Variants in PRDM9 observed in about 807,000 individuals in gnomAD.
The protein encoded by PRDM9 is histone-lysine N-methyltransferase PRDM9.
Under a neutral mutation model 55.6 loss-of-function variants are expected in PRDM9, and 47 were observed. The ratio of observed to expected loss-of-function variants is 0.85; its 90% CI spans 0.67 to 1.08. The LOEUF is 1.08. Ranked by LOEUF, PRDM9 falls within the 50% of genes least tolerant of loss-of-function variation. PRDM9 has a pLI of 0.00. For synonymous variants in PRDM9, 312 were observed against 375.7 expected, an observed-to-expected ratio of 0.83 and a Z score of 1.96; for missense variants, 867 against 1,040.3, an observed-to-expected ratio of 0.83 and a Z score of 2.29.
In PRDM9 at chr5:23,526,822, G is replaced by C; in HGVS notation, c.1734G>C (p.Lys578Asn). 6.3e-7 allele frequency: 1 copy of C among 1,590,052 alleles called. No individual in the cohort carries two copies. Residue 578 changes from lysine (K) to asparagine (N), a missense_variant, in exon 11 of 11, where the codon AAG becomes AAC. Physicochemically the swap from Lys to Asn is moderately conservative, Grantham distance 94 (BLOSUM62 0). This residue lies in a region of PRDM9 where 662 missense variants were observed against 711.9 expected (regional missense o/e 0.93). Transcript: ENST00000296682. ...LIHQRIHTGE[K>N]PYVCRECGRG... ...ACCAGAGGATACACACAGGGGAGAA[G>C]CCCTATGTCTGCAGGGAGTGTGGGC...
Position 23,526,348 on chromosome 5 carries a change from T to G in PRDM9, c.1260T>G (p.Ser420=), listed in dbSNP as rs369549187. 2 of 1,614,184 alleles carry G rather than the reference T, an allele frequency of 1.2e-6. No individual in the cohort carries two copies. Among genetic ancestry groups the G allele is most frequent in the Non-Finnish European group, 1.7e-6 (2 of 1,180,038 alleles). Residue 420 remains serine (S), a synonymous_variant, in exon 11 of 11, where the codon TCT becomes TCG. Transcript: ENST00000296682. The part of the protein sequence containing the change: ...NHSSQNFPGP[S]ARKLLQPENP... ...CCTCTCAGAACTTCCCAGGACCATCTGCAAGAAAACTCCTCCAACCAGAGA... is the reference window on the plus strand; with the variant it reads ...CCTCTCAGAACTTCCCAGGACCATCGGCAAGAAAACTCCTCCAACCAGAGA...
intron 8 of PRDM9, 96 bp downstream of exon 8, chr5:23,522,981 G>A (rs1739364586): frequency 6.3e-7 from 1 of 1,590,428 alleles, no homozygotes; most frequent in Non-Finnish European, 8.6e-7. Context: ...ATATAGGTAA[G>A]GATAACATGG....
At chr5:23,508,858 C>A in intron 1 of PRDM9, 92 bp from the exon 2 acceptor site, 2 of 722,338 alleles carry the variant, frequency 2.8e-6, no homozygotes, top group Non-Finnish European at 4.6e-6. Flanking sequence ...CATCTTCCTG[C>A]TCTGAACACC....
intron 9 of PRDM9, among the ~76,000 whole-genome samples, chr5:23,524,006 ATTAAT>A (rs1375619121): frequency 6.6e-6 from 1 of 152,312 alleles, no homozygotes; most frequent in East Asian, 1.9e-4. Flanking sequence ...ATAAAACAGA[ATTAAT>A]TTAGAGTTTA....
rs763943164 is a variant in PRDM9 at position 23,510,030 on chromosome 5, A to G, written c.301+3A>G. 3.2e-5 allele frequency: 51 copies of G among 1,572,596 alleles called. No homozygotes were observed. Among genetic ancestry groups the G allele is most frequent in the Non-Finnish European group, 4.5e-5 (51 of 1,143,554 alleles). On this transcript the variant is annotated splice_donor_region_variant and intron_variant, in intron 4 of 10. Coordinates refer to ENST00000296682, the MANE Select transcript of PRDM9 (RefSeq NM_020227.4). ...AGAATGGACCCCTAGGCAGCAAGGT[A>G]AGAGGGAAGGGAAGTAGGATTTTTT...
At chr5:23,525,228 G>T (rs1739408285) in intron 10 of PRDM9, among the ~76,000 whole-genome samples, 1 of 152,202 alleles carries the variant, frequency 6.6e-6, no homozygotes, top group South Asian at 2.1e-4. Context: ...CGCAGCTAGT[G>T]CAATGGTCCT....
chr5:23,517,252 G>T (rs1411929284), intron 4 of PRDM9, among the ~76,000 whole-genome samples: 1 of 150,582 alleles, frequency 6.6e-6, no homozygotes, highest in African/African-American at 2.4e-5. Context: ...TGTGTTTGTC[G>T]TGAAAGGTCA....
intron 4 of PRDM9, among the ~76,000 whole-genome samples, chr5:23,510,860 TC>T (rs1739081645): frequency 6.6e-6 from 1 of 151,432 alleles, no homozygotes; most frequent in Non-Finnish European, 1.5e-5. Flanking sequence ...AGAAGTGACC[TC>T]CTGGCCAGGC....
At chr5:23,515,900 T>C (rs1467382948) in intron 4 of PRDM9, among the ~76,000 whole-genome samples, 1 of 152,238 alleles carries the variant, frequency 6.6e-6, no homozygotes, top group Admixed American at 6.5e-5. Flanking sequence ...ACCACACTTT[T>C]CTGATCGCTG....
At position 23,527,141 on chromosome 5, in the gene PRDM9, A is replaced by G; in HGVS notation, c.2053A>G (p.Thr685Ala). 1.7e-6 allele frequency: 1 copy of G among 590,674 alleles called. No homozygotes were observed. The highest frequency in any genetic ancestry group is 2.8e-5 in the African/African-American group (1 of 36,140). The allele number at this position is 590,674 out of a possible 1,614,324, so 36.6% of individuals were successfully genotyped here. A position where few individuals can be genotyped will look rare whatever the true frequency, so the allele number is the denominator to read the frequency against. Residue 685 changes from threonine (T) to alanine (A), a missense_variant, in exon 11 of 11, where the codon ACA becomes GCA. Thr to Ala is a moderately conservative substitution (Grantham distance 58, BLOSUM62 0). Transcript: ENST00000296682. ...GTCAGTCCTCCTCACTCACCAGAGG[A>G]CACACACAGGGGAGAAGCCCTATGT... ...WQSVLLTHQR[T>A]HTGEKPYVCR...
At chr5:23,511,119 A>T in intron 4 of PRDM9, among the ~76,000 whole-genome samples, 1 of 151,834 alleles carries the variant, frequency 6.6e-6, no homozygotes, top group East Asian at 2.0e-4. Context: ...TTGTGCCACC[A>T]CCCTCCAGCC....
intron 5 of PRDM9, among the ~76,000 whole-genome samples, chr5:23,520,215 A>T (rs80012863): frequency 0.21 from 32,001 of 150,416 alleles, 3,653 homozygotes; most frequent in East Asian, 0.37. Flanking sequence ...ATATACAAAA[A>T]TTAGCTGGGT....
At position 23,527,964 on chromosome 5, in the gene PRDM9, A is replaced by AC. The variant is rs1003707985; in HGVS notation, c.*192dup. 18 of 779,190 alleles carry AC rather than the reference A, an allele frequency of 2.3e-5. No individual in the cohort carries two copies. Among genetic ancestry groups the AC allele is most frequent in the Non-Finnish European group, 3.1e-5 (15 of 476,306 alleles). 48.3% of individuals were successfully genotyped at this position (779,190 alleles called of 1,614,324 possible). On this transcript the variant is annotated 3_prime_UTR_variant, in exon 11 of 11. Transcript: ENST00000296682. ...CTTTCATGACTAGAGATGAGGAAGA[A>AC]CAAGGGATAGTTCTGTAAGTGTTCG...
rs573901258 is a variant in PRDM9, at chr5:23,521,985, T to G, written c.509-319T>G. On this transcript the variant is annotated intron_variant, in intron 6 of 10. Transcript: ENST00000296682. ...TATCTTAGTGTTGTATGTCCAGGCC[T>G]TTGTTCAATGCCTAAGATGTAATGT... Among the ~76,000 whole-genome samples the G allele has an allele frequency of 4.6e-5, 7 of 152,350 alleles. No homozygotes were observed. In the South Asian group the frequency reaches 8.3e-4, roughly 18 times the overall value.
Position 23,526,364 on chromosome 5 carries a change from C to T in PRDM9, c.1276C>T (p.Gln426Ter), listed in dbSNP as rs180832695. 7 of 1,614,196 alleles carry T rather than the reference C, an allele frequency of 4.3e-6. No homozygotes were observed. The East Asian group carries it at 1.1e-4, about 26-fold the overall frequency. The part of the protein sequence containing the change: ...FPGPSARKLL[Q>*]PENPCPGDQN... The stretch of plus-strand genomic sequence containing the variant: ...AGGACCATCTGCAAGAAAACTCCTC[C>T]AACCAGAGAATCCCTGCCCAGGGGA... Residue 426 changes from glutamine (Q) to a stop codon, truncating the protein, a stop_gained, in exon 11 of 11, where the codon CAA becomes TAA. Coordinates refer to ENST00000296682, the MANE Select transcript of PRDM9 (RefSeq NM_020227.4). LOFTEE classifies it low-confidence loss of function (END_TRUNC).
At chr5:23,515,358 C>A (rs985346404) in intron 4 of PRDM9, among the ~76,000 whole-genome samples, 4 of 152,160 alleles carry the variant, frequency 2.6e-5, no homozygotes, top group African/African-American at 9.7e-5. Flanking sequence ...TATCCTCCCA[C>A]CTGAGCCTCT....
At chr5:23,509,387 T>C in intron 2 of PRDM9, 83 bp from the exon 3 acceptor site, 1 of 1,604,122 alleles carries the variant, frequency 6.2e-7, no homozygotes, top group Non-Finnish European at 8.5e-7. Flanking sequence ...GGCCCCAGGC[T>C]ATGTCCTACA....
intron 10 of PRDM9, among the ~76,000 whole-genome samples, chr5:23,525,633 A>C (rs1739415448): frequency 6.6e-6 from 1 of 152,148 alleles, no homozygotes; most frequent in African/African-American, 2.4e-5. Flanking sequence ...GGCACATAAC[A>C]GTCCTCAATT....
At chr5:23,508,113 AG>A (rs1488938050) in intron 1 of PRDM9, among the ~76,000 whole-genome samples, 1 of 152,058 alleles carries the variant, frequency 6.6e-6, no homozygotes, top group Admixed American at 6.5e-5. Context: ...TCAGTGTCAA[AG>A]ACCCTAAAAC....
Sources: gnomAD v4.1 joint callset for allele counts (sites outside exome capture counted in the v4.1 genomes callset) on GRCh38, gnomAD v4.1.1 for gene constraint, gnomAD v4.1.1 regional missense constraint, MANE v1.5 for transcripts, NCBI Gene and HGNC (gene_info 2026-07-23, HGNC 2026-07-21) for gene names.